The following LRRC7 variants were observed in gnomAD, a reference collection of about 807,000 sequenced individuals.
LRRC7 encodes the protein leucine rich repeat containing 7.
Under a neutral mutation model 175.7 loss-of-function variants are expected in LRRC7, and 23 were observed. The ratio of observed to expected loss-of-function variants is 0.13; its 90% CI spans 0.09 to 0.19. The LOEUF is 0.19. Ranked by LOEUF, LRRC7 falls within the 10% of genes least tolerant of loss-of-function variation. The pLI, the probability that LRRC7 is intolerant of heterozygous loss-of-function variation, is 1.00. For missense variants in LRRC7, 1,354 were observed against 1,904.7 expected (o/e 0.71, Z 5.38); for synonymous variants, 685 against 680.9 (o/e 1.01, Z -0.09).
intron 1 of LRRC7, among the ~76,000 whole-genome samples, chr1:69,573,336 AGTT>A (rs1645814466): frequency 3.3e-5 from 5 of 152,170 alleles, no homozygotes; most frequent in Non-Finnish European, 7.4e-5. Flanking sequence ...AGATTATGGA[AGTT>A]TTTCCTGGTG....
intron 16 of LRRC7, 156 bp downstream of exon 16, chr1:70,021,285 G>T (rs889158573): frequency 3.0e-6 from 2 of 657,250 alleles, no homozygotes; most frequent in African/African-American, 3.7e-5. Flanking sequence ...GGAAGCATTG[G>T]TGTGCTTCAG....
chr1:70,064,786 A>G (rs188622770), intron 23 of LRRC7, among the ~76,000 whole-genome samples: 2 of 151,878 alleles, frequency 1.3e-5, no homozygotes, highest in Non-Finnish European at 2.9e-5. Flanking sequence ...AGATTTTGAA[A>G]TGCATCTGTT....
intron 18 of LRRC7, 145 bp downstream of exon 18, chr1:70,028,516 GT>G (rs1411389084): frequency 2.7e-6 from 2 of 748,990 alleles, no homozygotes; most frequent in Admixed American, 2.9e-5. Flanking sequence ...AACTATGAGG[GT>G]TGCATTTAAT....
In LRRC7 at chr1:70,134,793, T is replaced by C. The variant is rs2102276543; in HGVS notation, c.*12906T>C. 6.6e-6 allele frequency among the ~76,000 whole-genome samples: 1 copy of C among 152,378 alleles called. No homozygotes were observed. Among genetic ancestry groups the C allele is most frequent in the Non-Finnish European group, 1.5e-5 (1 of 68,036 alleles). Reference sequence around the variant, plus strand: ...CATTTTGGGTTTGTTTACCAAGTGTTCTTCCTCTCTTTTCAGAGAAGTTAA... The same window carrying C: ...CATTTTGGGTTTGTTTACCAAGTGTCCTTCCTCTCTTTTCAGAGAAGTTAA... On this transcript the variant is annotated 3_prime_UTR_variant, in exon 27 of 27. Coordinates refer to ENST00000651989, the MANE Select transcript of LRRC7 (RefSeq NM_001370785.2).
At position 69,980,468 on chromosome 1, in the gene LRRC7, A is replaced by T. The variant is rs1653304966; in HGVS notation, c.786+15A>T. 1 of 1,549,886 alleles carries T rather than the reference A, an allele frequency of 6.5e-7. No homozygotes were observed. Among genetic ancestry groups the T allele is most frequent in the Admixed American group, 1.7e-5 (1 of 58,052 alleles). On this transcript the variant is annotated intron_variant, in intron 9 of 26. Transcript: ENST00000651989. Reference sequence around the variant, plus strand: ...TGTTACCTGGGGTATGTAAGTTTTTATTCTACCATGTTGTTTAATATTTGT... The same window carrying T: ...TGTTACCTGGGGTATGTAAGTTTTTTTTCTACCATGTTGTTTAATATTTGT...
intron 7 of LRRC7, among the ~76,000 whole-genome samples, chr1:69,907,394 G>T (rs1369707955): frequency 6.6e-6 from 1 of 152,028 alleles, no homozygotes; most frequent in Non-Finnish European, 1.5e-5. Context: ...ATTGGCTGTG[G>T]GTTTGTCATA....
chr1:70,109,091 G>A (rs973571294), intron 26 of LRRC7, among the ~76,000 whole-genome samples: 6 of 151,932 alleles, frequency 3.9e-5, no homozygotes, highest in African/African-American at 9.7e-5. Flanking sequence ...GCACGATCTC[G>A]GCTCACCACA....
At chr1:69,668,509 C>T (rs563237854) in intron 1 of LRRC7, among the ~76,000 whole-genome samples, 17 of 152,156 alleles carry the variant, frequency 1.1e-4, no homozygotes, top group African/African-American at 7.2e-5. Flanking sequence ...TATTCCATGG[C>T]GTATATGTGC....
At chr1:69,957,437 G>A (rs1291769510) in intron 8 of LRRC7, among the ~76,000 whole-genome samples, 4 of 151,818 alleles carry the variant, frequency 2.6e-5, no homozygotes, top group Admixed American at 6.6e-5. Context: ...GATAATGCAT[G>A]TACACTTGAC....
chr1:69,717,837 A>AG lies in LRRC7; in HGVS notation c.100+39360dup, dbSNP rs1557641329. On this transcript the variant is annotated intron_variant, in intron 2 of 26. Transcript: ENST00000651989. ...AAGAAAGAAAGAAAGAAAGAAAGAAAGAAAAAAGAAAGAAAGGAAAGAAAG... is the reference window on the plus strand; with the variant it reads ...AAGAAAGAAAGAAAGAAAGAAAGAAAGGAAAAAAGAAAGAAAGGAAAGAAAG... 6.2e-3 allele frequency among the ~76,000 whole-genome samples: 428 copies of AG among 68,532 alleles called. 52 individuals carry two copies. The highest frequency in any genetic ancestry group is 7.5e-3 in the Non-Finnish European group (272 of 36,370). The allele number at this position is 68,532 out of a possible 152,430, so 45.0% of individuals were successfully genotyped here. A position where few individuals can be genotyped will look rare whatever the true frequency, so the allele number is the denominator to read the frequency against.
In LRRC7 at chr1:69,872,572, T is replaced by C. The variant is rs1012531555; in HGVS notation, c.647+34289T>C. Reference sequence around the variant, plus strand: ...GAGCTATTGCTGTATCTAGAGATGATAAATATTTTTATAAATGATTTTGTT... The same window carrying C: ...GAGCTATTGCTGTATCTAGAGATGACAAATATTTTTATAAATGATTTTGTT... On this transcript the variant is annotated intron_variant, in intron 7 of 26. Transcript: ENST00000651989. 7.9e-5 allele frequency among the ~76,000 whole-genome samples: 12 copies of C among 152,218 alleles called. No individual in the cohort carries two copies. In the East Asian group the frequency reaches 2.1e-3, roughly 27 times the overall value.
chr1:69,649,385 T>G lies in LRRC7; in HGVS notation c.3-28996T>G, dbSNP rs866020504. On this transcript the variant is annotated intron_variant, in intron 1 of 26. Transcript: ENST00000651989. ...CTATGGGAAGTGAGGATGATATATGTGCTTTGCCTAACCAAGATTTTAAGC... is the reference window on the plus strand; with the variant it reads ...CTATGGGAAGTGAGGATGATATATGGGCTTTGCCTAACCAAGATTTTAAGC... Among the ~76,000 whole-genome samples the G allele has an allele frequency of 1.3e-4, 20 of 152,320 alleles. 1 individual carries two copies. The highest frequency in any genetic ancestry group is 3.4e-3 in the Middle Eastern group (1 of 294).
At chr1:69,591,768 A>C (rs1432238751) in intron 1 of LRRC7, among the ~76,000 whole-genome samples, 3 of 152,064 alleles carry the variant, frequency 2.0e-5, no homozygotes, top group African/African-American at 7.2e-5. Flanking sequence ...AATCAGATGA[A>C]GCAAGGAGTG....
intron 10 of LRRC7, among the ~76,000 whole-genome samples, chr1:69,991,955 TAAAAG>T (rs751101675): frequency 1.2e-4 from 18 of 152,024 alleles, no homozygotes; most frequent in Non-Finnish European, 1.9e-4. Flanking sequence ...TAAAGAAAAA[TAAAAG>T]AAAAAGAAAT....
intron 8 of LRRC7, among the ~76,000 whole-genome samples, chr1:69,954,655 G>A (rs1245931302): frequency 6.6e-6 from 1 of 151,964 alleles, no homozygotes. Flanking sequence ...TACTGACTGG[G>A]TAATGTGAAT....
At chr1:69,783,306 T>C (rs1673986587) in intron 3 of LRRC7, among the ~76,000 whole-genome samples, 1 of 152,180 alleles carries the variant, frequency 6.6e-6, no homozygotes. Context: ...ATCGAAGTCA[T>C]AGAATTCTGG....
intron 5 of LRRC7, among the ~76,000 whole-genome samples, chr1:69,829,525 A>G (rs1395193333): frequency 6.6e-6 from 1 of 151,874 alleles, no homozygotes; most frequent in African/African-American, 2.4e-5. Context: ...TGTTAACTAG[A>G]GTAACCCTAC....
At chr1:69,617,761 A>G (rs1352293873) in intron 1 of LRRC7, among the ~76,000 whole-genome samples, 1 of 151,412 alleles carries the variant, frequency 6.6e-6, no homozygotes, top group Non-Finnish European at 1.5e-5. Flanking sequence ...GGGTGTACTC[A>G]CTCCTCCTCA....
chr1:69,769,904 A>G (rs1487880953), intron 3 of LRRC7, among the ~76,000 whole-genome samples: 1 of 152,198 alleles, frequency 6.6e-6, no homozygotes, highest in Non-Finnish European at 1.5e-5. Flanking sequence ...TAGGCCAGAA[A>G]AACCAACTGG....
Sources: allele counts gnomAD v4.1 joint callset (sites outside exome capture counted in the v4.1 genomes callset), GRCh38; gene constraint gnomAD v4.1.1; transcripts MANE v1.5; gene names NCBI Gene and HGNC (gene_info 2026-07-23, HGNC 2026-07-21).